Variants in SPIDR observed in about 807,000 individuals in gnomAD.
The protein encoded by SPIDR is DNA repair-scaffolding protein.
Under a neutral mutation model 104.6 loss-of-function variants are expected in SPIDR, and 93 were observed. The observed-to-expected ratio is 0.89, with a 90% confidence interval of 0.75 to 1.06. The LOEUF is 1.06. SPIDR is among the 50% of genes least tolerant of loss of function. The pLI, the probability that SPIDR is intolerant of heterozygous loss-of-function variation, is 0.00. For synonymous variants in SPIDR, 431 were observed against 416.9 expected (o/e 1.03, Z -0.41); for missense variants, 1,154 against 1,111.2 (o/e 1.04, Z -0.55).
At chr8:47,460,106 T>A (rs986819547) in intron 8 of SPIDR, among the ~76,000 whole-genome samples, 1 of 152,198 alleles carries the variant, frequency 6.6e-6, no homozygotes, top group Non-Finnish European at 1.5e-5. Flanking sequence ...AGAATGTATA[T>A]TCTGTGTTTG....
intron 10 of SPIDR, among the ~76,000 whole-genome samples, chr8:47,654,821 A>G (rs1164422145): frequency 6.6e-6 from 1 of 152,080 alleles, no homozygotes; most frequent in Non-Finnish European, 1.5e-5. Flanking sequence ...GGTGTGCTGC[A>G]CCCAGTAACT....
At chr8:47,297,745 A>G (rs1308025011) in intron 5 of SPIDR, among the ~76,000 whole-genome samples, 4 of 152,164 alleles carry the variant, frequency 2.6e-5, no homozygotes. Context: ...GCTGAGAATG[A>G]TGGTTTCCAG....
At chr8:47,560,402 C>T (rs1207188574) in intron 8 of SPIDR, among the ~76,000 whole-genome samples, 3 of 152,324 alleles carry the variant, frequency 2.0e-5, no homozygotes, top group East Asian at 3.9e-4. Flanking sequence ...ACTGGGTAGC[C>T]TGGTGTGCCC....
intron 5 of SPIDR, among the ~76,000 whole-genome samples, chr8:47,371,240 G>A (rs1443299258): frequency 6.6e-6 from 1 of 151,226 alleles, no homozygotes; most frequent in African/African-American, 2.4e-5. Flanking sequence ...GGTGAAATGT[G>A]TGTTGTGGTC....
chr8:47,492,331 C>T (rs2078848257), intron 8 of SPIDR, among the ~76,000 whole-genome samples: 1 of 152,080 alleles, frequency 6.6e-6, no homozygotes, highest in Non-Finnish European at 1.5e-5. Flanking sequence ...GGCAAGCAGG[C>T]AGGCTTCTCA....
chr8:47,666,011 C>A (rs2074870061), intron 10 of SPIDR, among the ~76,000 whole-genome samples: 1 of 151,940 alleles, frequency 6.6e-6, no homozygotes, highest in Non-Finnish European at 1.5e-5. Context: ...TTTATTTATG[C>A]CGTGGTTTCC....
chr8:47,479,525 G>C (rs951509276), intron 8 of SPIDR, among the ~76,000 whole-genome samples: 1 of 152,162 alleles, frequency 6.6e-6, no homozygotes, highest in Non-Finnish European at 1.5e-5. Context: ...GGTGAGCTTA[G>C]CAGCACAGCC....
intron 8 of SPIDR, among the ~76,000 whole-genome samples, chr8:47,490,616 A>G (rs541862800): frequency 5.9e-5 from 9 of 152,342 alleles, no homozygotes; most frequent in African/African-American, 2.2e-4. Context: ...ACAATGATAG[A>G]CTGGATTAAG....
intron 1 of SPIDR, chr8:47,279,399 T>A (rs1180194536): frequency 6.5e-6 from 1 of 154,152 alleles, no homozygotes; most frequent in Non-Finnish European, 1.4e-5. Context: ...CAGTTTCAGG[T>A]GGCCCAGGCT....
chr8:47,484,006 A>G (rs536991713), intron 8 of SPIDR, among the ~76,000 whole-genome samples: 1 of 152,306 alleles, frequency 6.6e-6, no homozygotes, highest in East Asian at 1.9e-4. Flanking sequence ...ATGTCGATGC[A>G]TCTTTATCAA....
At chr8:47,667,190 A>G (rs2154466748) in intron 10 of SPIDR, among the ~76,000 whole-genome samples, 1 of 152,148 alleles carries the variant, frequency 6.6e-6, no homozygotes, top group East Asian at 1.9e-4. Context: ...CTGAGGCACA[A>G]GAATCGCTTG....
chr8:47,594,242 G>A lies in SPIDR; in HGVS notation c.1098-1569G>A, dbSNP rs118070461. On this transcript the variant is annotated intron_variant, in intron 8 of 19. Coordinates refer to ENST00000297423, the MANE Select transcript of SPIDR (RefSeq NM_001080394.4). ...AAAAAAGAATTAGCTGGACATGATG[G>A]TGGGCGCCTGTAGTCCCAGCTATTT... Among the ~76,000 whole-genome samples the A allele has an allele frequency of 5.7e-3, 860 of 150,526 alleles. 26 individuals carry two copies. The East Asian group carries it at 0.089, about 16-fold the overall frequency.
intron 5 of SPIDR, among the ~76,000 whole-genome samples, chr8:47,318,165 GAA>G (rs2045792292): frequency 6.6e-6 from 1 of 152,134 alleles, no homozygotes; most frequent in Admixed American, 6.6e-5. Context: ...GAGGAAGTTC[GAA>G]CCCATGGCAA....
intron 5 of SPIDR, among the ~76,000 whole-genome samples, chr8:47,339,477 G>A (rs542536317): frequency 3.3e-5 from 5 of 151,326 alleles, no homozygotes; most frequent in South Asian, 4.2e-4. Flanking sequence ...TGTTTTTTTC[G>A]CTTACCTGGA....
At chr8:47,370,076 A>G (rs1000479483) in intron 5 of SPIDR, among the ~76,000 whole-genome samples, 1 of 150,880 alleles carries the variant, frequency 6.6e-6, no homozygotes, top group Non-Finnish European at 1.5e-5. Context: ...ACCTGGCTTC[A>G]TGATTGTCTC....
intron 7 of SPIDR, among the ~76,000 whole-genome samples, chr8:47,434,250 C>T (rs1193925545): frequency 6.6e-6 from 1 of 152,022 alleles, no homozygotes; most frequent in Non-Finnish European, 1.5e-5. Context: ...TTTAAAACCC[C>T]CTGATGTCCA....
chr8:47,501,240 G>A (rs2080375897), intron 8 of SPIDR, among the ~76,000 whole-genome samples: 1 of 152,168 alleles, frequency 6.6e-6, no homozygotes, highest in African/African-American at 2.4e-5. Context: ...GGGCATCATG[G>A]CCATTTTCAC....
At chr8:47,550,003 C>G (rs1399500146) in intron 8 of SPIDR, among the ~76,000 whole-genome samples, 1 of 152,182 alleles carries the variant, frequency 6.6e-6, no homozygotes, top group Non-Finnish European at 1.5e-5. Context: ...GTTTTCCCAG[C>G]ACCATTTATT....
At chr8:47,508,174 T>A (rs2081770451) in intron 8 of SPIDR, among the ~76,000 whole-genome samples, 1 of 152,196 alleles carries the variant, frequency 6.6e-6, no homozygotes, top group Admixed American at 6.5e-5. Flanking sequence ...TCATGTCTTG[T>A]GGGCTGGTAG....
Sources: gnomAD v4.1 joint callset for allele counts (sites outside exome capture counted in the v4.1 genomes callset) on GRCh38, gnomAD v4.1.1 for gene constraint, MANE v1.5 for transcripts, NCBI Gene and HGNC (gene_info 2026-07-23, HGNC 2026-07-21) for gene names.